Variants in NLGN4X observed in about 807,000 individuals in gnomAD.
The protein encoded by NLGN4X is neuroligin-4, X-linked.
NLGN4X carries 3 observed loss-of-function variants against 40.3 expected under a neutral mutation model. The ratio of observed to expected loss-of-function variants is 0.07; its 90% confidence interval spans 0.03 to 0.19. The LOEUF (loss-of-function observed/expected upper bound fraction) is 0.19, where lower values mean the gene tolerates loss of function less well. NLGN4X is among the 10% of genes least tolerant of loss of function. The pLI, the probability that NLGN4X is intolerant of heterozygous loss-of-function variation, is 1.00. For synonymous variants in NLGN4X, 270 were observed against 306.8 expected, an observed-to-expected ratio of 0.88 and a Z score of 1.25; for missense variants, 382 against 708.3, an observed-to-expected ratio of 0.54 and a Z score of 5.23.
At chrX:5,957,116 C>A (rs189546695) in intron 3 of NLGN4X, among the ~76,000 whole-genome samples, 172 of 112,068 alleles carry the variant, frequency 1.5e-3, no homozygotes, top group African/African-American at 5.1e-3. Context: ...GAAACTCTTT[C>A]TCATACATCC....
At chrX:5,913,129 T>G (rs1306679038) in intron 3 of NLGN4X, among the ~76,000 whole-genome samples, 1 of 111,291 alleles carries the variant, frequency 9.0e-6, no homozygotes, top group East Asian at 2.8e-4. Context: ...CTGGCAAAGC[T>G]ATCTTCTTAA....
At chrX:5,939,294 T>C (rs2033837691) in intron 3 of NLGN4X, among the ~76,000 whole-genome samples, 1 of 110,685 alleles carries the variant, frequency 9.0e-6, no homozygotes, top group South Asian at 3.9e-4. Context: ...AATAAATGTC[T>C]AAATGCTTAA....
intron 1 of NLGN4X, among the ~76,000 whole-genome samples, chrX:6,191,477 G>A (rs1922528509): frequency 8.9e-6 from 1 of 112,040 alleles, no homozygotes; most frequent in African/African-American, 3.2e-5. Context: ...CACTTTTGGA[G>A]GCCAAAGCGG....
At chrX:6,065,265 A>C (rs969850543) in intron 2 of NLGN4X, among the ~76,000 whole-genome samples, 1 of 110,706 alleles carries the variant, frequency 9.0e-6, no homozygotes, top group Non-Finnish European at 1.9e-5. Flanking sequence ...TGAACCTAAA[A>C]TAAAAATTGA....
chrX:6,144,229 C>T (rs1242959320), intron 2 of NLGN4X, among the ~76,000 whole-genome samples: 6 of 111,545 alleles, frequency 5.4e-5, no homozygotes, highest in Admixed American at 1.9e-4. Flanking sequence ...GTAGAAAGCT[C>T]TAAGTGCCCA....
At chrX:5,983,114 G>C (rs2035436366) in intron 3 of NLGN4X, among the ~76,000 whole-genome samples, 1 of 112,392 alleles carries the variant, frequency 8.9e-6, no homozygotes, top group African/African-American at 3.2e-5. Flanking sequence ...CACCCTCAAG[G>C]CAAACATGAA....
intron 3 of NLGN4X, among the ~76,000 whole-genome samples, chrX:5,911,701 T>A (rs1007321838): frequency 8.9e-6 from 1 of 112,000 alleles, no homozygotes; most frequent in African/African-American, 3.2e-5. Context: ...AATGCAATAA[T>A]TTTATGCTCT....
At position 6,185,131 on chromosome X, in the gene NLGN4X, T is replaced by C. The variant is rs760283331; in HGVS notation, c.-305-33360A>G. On this transcript the variant is annotated intron_variant, in intron 1 of 5. Transcript: ENST00000381095. ...GTGATACATACTTGGCAGCATGACA[T>C]TTTCTTATTTATATTTTAAACTGTG... 2.7e-5 allele frequency among the ~76,000 whole-genome samples: 3 copies of C among 112,224 alleles called. No individual in the cohort carries two copies. The East Asian group carries it at 8.4e-4, about 31-fold the overall frequency.
intron 2 of NLGN4X, among the ~76,000 whole-genome samples, chrX:6,030,009 G>A (rs1460975618): frequency 9.1e-6 from 1 of 110,400 alleles, no homozygotes; most frequent in Non-Finnish European, 1.9e-5. Context: ...TAACTGAACA[G>A]AAATAGGGAA....
intron 3 of NLGN4X, among the ~76,000 whole-genome samples, chrX:5,996,173 G>A (rs1157838781): frequency 8.9e-6 from 1 of 111,995 alleles, no homozygotes; most frequent in Non-Finnish European, 1.9e-5. Flanking sequence ...GTCATTCAAA[G>A]CAGCGCCTCC....
intron 3 of NLGN4X, among the ~76,000 whole-genome samples, chrX:5,982,574 A>T (rs1183540417): frequency 8.9e-6 from 1 of 112,343 alleles, no homozygotes; most frequent in East Asian, 2.8e-4. Context: ...AATGGATTGT[A>T]ATATGTGTGA....
At chrX:6,002,783 C>T (rs777195786) in intron 3 of NLGN4X, among the ~76,000 whole-genome samples, 23 of 111,668 alleles carry the variant, frequency 2.1e-4, no homozygotes, top group South Asian at 3.7e-4. Flanking sequence ...ATCCTGTGCC[C>T]ATAAAAACTC....
At chrX:6,063,733 T>A (rs764127730) in intron 2 of NLGN4X, among the ~76,000 whole-genome samples, 1 of 112,471 alleles carries the variant, frequency 8.9e-6, no homozygotes, top group Non-Finnish European at 1.9e-5. Flanking sequence ...CATAAGCCAT[T>A]ACAGTTGAAT....
rs762787820 is a variant in NLGN4X at position 6,197,460 on chromosome X, G to A, written c.-306+31081C>T. Among the ~76,000 whole-genome samples the A allele has an allele frequency of 2.3e-4, 21 of 92,528 alleles. No homozygotes were observed. The South Asian group carries it at 6.0e-3, about 26-fold the overall frequency. The allele number at this position is 92,528 out of a possible 115,157, so 80.3% of individuals were successfully genotyped here. A position where few individuals can be genotyped will look rare whatever the true frequency, so the allele number is the denominator to read the frequency against. On this transcript the variant is annotated intron_variant, in intron 1 of 5. Transcript: ENST00000381095. ...TTTTTTTTGTATTTTTTATAGAGAC[G>A]GAGTCTCACTATGTTGCCCTGGTTG...
intron 2 of NLGN4X, among the ~76,000 whole-genome samples, chrX:6,098,103 A>G (rs774833442): frequency 8.9e-6 from 1 of 111,779 alleles, no homozygotes; most frequent in East Asian, 2.8e-4. Context: ...CAGCCTGGGC[A>G]ACGGAATTTG....
intron 1 of NLGN4X, among the ~76,000 whole-genome samples, chrX:6,207,980 C>T (rs1924184621): frequency 8.9e-6 from 1 of 111,910 alleles, no homozygotes; most frequent in Non-Finnish European, 1.9e-5. Context: ...CTCATATTCA[C>T]TCACAGAATA....
intron 3 of NLGN4X, among the ~76,000 whole-genome samples, chrX:5,976,988 G>A (rs1201499999): frequency 9.1e-6 from 1 of 110,232 alleles, no homozygotes; most frequent in African/African-American, 3.3e-5. Flanking sequence ...AGGAATATTG[G>A]TAAAGGAATT....
intron 3 of NLGN4X, among the ~76,000 whole-genome samples, chrX:5,976,712 C>T (rs1361753912): frequency 5.3e-5 from 6 of 112,784 alleles, no homozygotes; most frequent in Admixed American, 1.9e-4. Flanking sequence ...GAGATTTGTA[C>T]ATCAGTGTGT....
chrX:6,124,256 C>T (rs2039491957), intron 2 of NLGN4X, among the ~76,000 whole-genome samples: 1 of 111,074 alleles, frequency 9.0e-6, no homozygotes, highest in Non-Finnish European at 1.9e-5. Context: ...TATATACATA[C>T]TACATATATA....
Sources: gnomAD v4.1 joint callset for allele counts (sites outside exome capture counted in the v4.1 genomes callset) on GRCh38, gnomAD v4.1.1 for gene constraint, MANE v1.5 for transcripts, NCBI Gene and HGNC (gene_info 2026-07-23, HGNC 2026-07-21) for gene names.